CLN6: variants seen among roughly 807,000 people sequenced by gnomAD.
CLN6 encodes the protein ceroid-lipofuscinosis neuronal protein 6.
CLN6 carries 22 observed loss-of-function variants against 33.3 expected under a neutral mutation model. That is an observed-to-expected ratio of 0.66 (90% CI 0.47 to 0.94). CLN6 has a LOEUF of 0.94. Ranked by LOEUF, CLN6 falls within the 40% of genes least tolerant of loss-of-function variation. CLN6 has a pLI of 0.00. For missense variants in CLN6, 387 were observed against 417.1 expected (o/e 0.93, Z 0.63); for synonymous variants, 201 against 174.6 (o/e 1.15, Z -1.19).
chr15:68,224,265 CAAAA>C (rs34196710), intron 1 of CLN6, among the ~76,000 whole-genome samples: 5 of 46,722 alleles, frequency 1.1e-4, no homozygotes, highest in South Asian at 1.5e-3. Context: ...GACCTTATTG[CAAAA>C]AAAAAAAAAA....
At chr15:68,238,040 T>C (rs994242114) in intron 1 of CLN6, among the ~76,000 whole-genome samples, 2 of 151,808 alleles carry the variant, frequency 1.3e-5, no homozygotes, top group Non-Finnish European at 2.9e-5. Context: ...GGAGAATTAC[T>C]TGAACCCAGG....
At position 68,235,580 on chromosome 15, in the gene CLN6, A is replaced by AT. The variant is rs1228095424; in HGVS notation, c.180-16931_180-16930insA. 7.4e-3 allele frequency among the ~76,000 whole-genome samples: 509 copies of AT among 68,510 alleles called. 2 individuals carry two copies. Among genetic ancestry groups the AT allele is most frequent in the African/African-American group, 0.027 (477 of 17,720 alleles). The allele number at this position is 68,510 out of a possible 152,430, so 44.9% of individuals were successfully genotyped here. ...GCGAGTCTGTGTCTAAAAAAAAAATAAAAATAAATATATATATATATATAT... is the reference window on the plus strand; with the variant it reads ...GCGAGTCTGTGTCTAAAAAAAAAATATAAAATAAATATATATATATATATAT... On this transcript the variant is annotated intron_variant, in intron 1 of 6. Transcript: ENST00000538696.
At chr15:68,214,798 T>C (rs767673347) in intron 2 of CLN6, 6 of 306,396 alleles carry the variant, frequency 2.0e-5, no homozygotes, top group Non-Finnish European at 3.9e-5. Flanking sequence ...GGTTTCCCCA[T>C]CTATAACACA....
Position 68,214,316 on chromosome 15 carries a change from CGTT to C in CLN6, c.268_270del (p.Asn90del), listed in dbSNP as rs2093214484. 1 of 1,613,734 alleles carries C rather than the reference CGTT, an allele frequency of 6.2e-7. No individual in the cohort carries two copies. The highest frequency in any genetic ancestry group is 1.3e-5 in the African/African-American group (1 of 74,924). Reference sequence around the variant, plus strand: ...TTGAGCAAGAGAAAGGGCGTGATGACGTTGTAGGCCATGTGGAAGTAGTCCCCA... The same window carrying C: ...TTGAGCAAGAGAAAGGGCGTGATGACGTAGGCCATGTGGAAGTAGTCCCCA... On this transcript the variant is annotated inframe_deletion, in exon 3 of 7. Transcript: ENST00000249806.
Position 68,256,369 on chromosome 15 carries a change from A to G in CLN6, c.179+321T>C, listed in dbSNP as rs1892436455. 6.6e-6 allele frequency among the ~76,000 whole-genome samples: 1 copy of G among 151,674 alleles called. No individual in the cohort carries two copies. The highest frequency in any genetic ancestry group is 1.5e-5 in the Non-Finnish European group (1 of 67,850). ...AGTGATCCGCCTGCCTCTGCCTCCC[A>G]AAGTGCTAGGATTACAGGTGTGAGC... On this transcript the variant is annotated intron_variant, in intron 1 of 6. Coordinates refer to the CLN6 transcript ENST00000538696. The surrounding 1 kb of genome is among the most constrained non-coding windows in gnomAD (Gnocchi z 4.1).
At chr15:68,253,743 CTTT>C (rs1165210300) in intron 1 of CLN6, among the ~76,000 whole-genome samples, 2 of 152,186 alleles carry the variant, frequency 1.3e-5, no homozygotes, top group African/African-American at 4.8e-5. Flanking sequence ...GCAGATACTT[CTTT>C]TTTAGCCGCC....
chr15:68,215,433 A>T (rs1330832812), intron 2 of CLN6: 1 of 152,210 alleles, frequency 6.6e-6, no homozygotes, highest in Non-Finnish European at 1.5e-5. Context: ...TTACCATGGA[A>T]GGTTAAGTAG....
chr15:68,253,870 A>AT (rs5813479), intron 1 of CLN6, among the ~76,000 whole-genome samples: 127,267 of 141,876 alleles, frequency 0.9, 58,258 homozygotes, highest in East Asian at 0.98. Context: ...ATAAAACTAC[A>AT]TTTTTTTTTT....
chr15:68,226,318 C>CA (rs35031604), intron 1 of CLN6, among the ~76,000 whole-genome samples: 922 of 62,958 alleles, frequency 0.015, 9 homozygotes, highest in East Asian at 0.033. Flanking sequence ...GACTCCATCT[C>CA]AAAAAAAAAA....
Position 68,229,696 on chromosome 15 carries a change from C to A in CLN6, c.-112G>T, listed in dbSNP as rs886254674. On this transcript the variant is annotated 5_prime_UTR_variant, in exon 1 of 7. Coordinates refer to ENST00000249806, the MANE Select transcript of CLN6 (RefSeq NM_017882.3). ...CCAGCGCGGGGCGGTTCGGGGCGGG[C>A]CGGCGAGAGCGCGCGGCCCTCGGGA... The A allele has an allele frequency of 1.2e-6, 1 of 809,472 alleles. No individual in the cohort carries two copies. The highest frequency in any genetic ancestry group is 1.7e-6 in the Non-Finnish European group (1 of 591,958). 50.1% of individuals were successfully genotyped at this position (809,472 alleles called of 1,614,324 possible). A position where few individuals can be genotyped will look rare whatever the true frequency, so the allele number is the denominator to read the frequency against.
rs57397347 is a variant in CLN6 at position 68,224,618 on chromosome 15, CAA to C, written c.83+4882_83+4883del. ...TGGGCAATACAAAAAGACTCTGTCT[CAA>C]AAAAAAAAAAAAAAAAAAAGATTAA... On this transcript the variant is annotated intron_variant, in intron 1 of 6. Coordinates refer to ENST00000249806, the MANE Select transcript of CLN6 (RefSeq NM_017882.3). Among the ~76,000 whole-genome samples, 250 of 104,288 alleles carry C rather than the reference CAA, an allele frequency of 2.4e-3. 2 individuals carry two copies. The highest frequency in any genetic ancestry group is 0.02 in the East Asian group (72 of 3,614). 68.4% of individuals were successfully genotyped at this position (104,288 alleles called of 152,430 possible). A position where few individuals can be genotyped will look rare whatever the true frequency, so the allele number is the denominator to read the frequency against.
chr15:68,241,259 A>ATACTATCCCTAGCCCTAG lies in CLN6; in HGVS notation c.179+15430_179+15431insCTAGGGCTAGGGATAGTA, dbSNP rs1892278260. 6.6e-6 allele frequency among the ~76,000 whole-genome samples: 1 copy of ATACTATCCCTAGCCCTAG among 151,874 alleles called. No homozygotes were observed. The highest frequency in any genetic ancestry group is 6.6e-5 in the Admixed American group (1 of 15,102). On this transcript the variant is annotated intron_variant, in intron 1 of 6. Transcript: ENST00000538696. The surrounding 1 kb of genome is among the most constrained non-coding windows in gnomAD (Gnocchi z 4.2). ...CTACATTCCTTCCCACAGAAAACCA[A>ATACTATCCCTAGCCCTAG]AAACAAATACACAGTGCTGAGATGA... is the stretch of plus-strand genomic sequence containing the variant.
intron 1 of CLN6, among the ~76,000 whole-genome samples, chr15:68,235,721 G>T (rs951889544): frequency 2.0e-5 from 3 of 151,464 alleles, no homozygotes; most frequent in Non-Finnish European, 4.4e-5. Context: ...CTCTGTATTT[G>T]TCAACACCCT....
intron 1 of CLN6, among the ~76,000 whole-genome samples, chr15:68,223,843 C>G (rs541740476): frequency 6.6e-6 from 1 of 151,626 alleles, no homozygotes; most frequent in Admixed American, 6.6e-5. Flanking sequence ...GTCAGGAGTT[C>G]GAGACCAGCC....
chr15:68,217,109 A>G (rs541670317), intron 2 of CLN6, among the ~76,000 whole-genome samples: 1 of 152,376 alleles, frequency 6.6e-6, no homozygotes, highest in South Asian at 2.1e-4. Context: ...TAACTTTGCT[A>G]TAATTATTAT....
intron 2 of CLN6, among the ~76,000 whole-genome samples, chr15:68,217,724 G>A (rs543909738): frequency 2.0e-5 from 3 of 152,262 alleles, no homozygotes; most frequent in Admixed American, 6.5e-5. Flanking sequence ...GGCCCGTCAG[G>A]CAACTGTCAG....
In CLN6 at chr15:68,236,950, G is replaced by A. The variant is rs1211692722; in HGVS notation, c.180-18300C>T. On this transcript the variant is annotated intron_variant, in intron 1 of 6. Transcript: ENST00000538696. The surrounding 1 kb of genome is among the most constrained non-coding windows in gnomAD (Gnocchi z 4.5). ...AGGCGGGTGGATCATGAGGTCAGGA[G>A]ATCGAGACCATCCTGGCTAACAAGG... Among the ~76,000 whole-genome samples, 3 of 150,894 alleles carry A rather than the reference G, an allele frequency of 2.0e-5. No homozygotes were observed. The highest frequency in any genetic ancestry group is 4.4e-5 in the Non-Finnish European group (3 of 67,716).
Position 68,208,657 on chromosome 15 carries a change from T to C in CLN6, c.666-247A>G, listed in dbSNP as rs1005050635. 6.6e-6 allele frequency among the ~76,000 whole-genome samples: 1 copy of C among 152,236 alleles called. No individual in the cohort carries two copies. Among genetic ancestry groups the C allele is most frequent in the African/African-American group, 2.4e-5 (1 of 41,454 alleles). On this transcript the variant is annotated intron_variant, in intron 6 of 6. Transcript: ENST00000249806. The surrounding 1 kb of genome is among the most constrained non-coding windows in gnomAD (Gnocchi z 5.8). The stretch of plus-strand genomic sequence containing the variant: ...TTAAATAACAGAATACCTACAAATG[T>C]ATATTTCTGGCTTCTCTGGTCACAT...
At chr15:68,243,626 G>T (rs1442393581) in intron 1 of CLN6, among the ~76,000 whole-genome samples, 1 of 151,976 alleles carries the variant, frequency 6.6e-6, no homozygotes, top group Admixed American at 6.6e-5. Flanking sequence ...ATGGTGGCAT[G>T]CACCTGTAAT....
Sources: gnomAD v4.1 joint callset for allele counts (sites outside exome capture counted in the v4.1 genomes callset) on GRCh38, gnomAD v4.1.1 for gene constraint, Gnocchi (gnomAD v3.1) non-coding constraint, MANE v1.5 for transcripts, NCBI Gene and HGNC (gene_info 2026-07-23, HGNC 2026-07-21) for gene names.